ERAP1: variants seen among roughly 807,000 people sequenced by gnomAD.
ERAP1 encodes adipocyte-derived leucine aminopeptidase.
A neutral mutation model predicts 103.7 loss-of-function variants in ERAP1; 86 were observed. The observed-to-expected ratio is 0.83, with a 90% CI of 0.70 to 0.99. ERAP1 has a LOEUF of 0.99. Ranked by LOEUF, ERAP1 falls within the 50% of genes least tolerant of loss-of-function variation. The pLI is 0.00. For missense variants in ERAP1, 1,009 were observed against 1,128.4 expected (o/e 0.89, Z 1.52); for synonymous variants, 398 against 402.4 (o/e 0.99, Z 0.13).
the ERAP1 span, among the ~76,000 whole-genome samples, chr5:96,901,845 C>T: frequency 4.6e-3 from 699 of 152,280 alleles, 2 homozygotes; most frequent in African/African-American, 0.016. Flanking sequence ...TCATATAACC[C>T]GGACTTCTTT....
the ERAP1 span, chr5:96,900,325 A>G: frequency 2.2e-6 from 3 of 1,345,288 alleles, no homozygotes; most frequent in Non-Finnish European, 3.0e-6. Flanking sequence ...TTTCTCTAAA[A>G]CAAAACTGAA....
chr5:96,881,776 G>T, the ERAP1 span, among the ~76,000 whole-genome samples: 1 of 152,062 alleles, frequency 6.6e-6, no homozygotes, highest in Admixed American at 6.6e-5. Flanking sequence ...GGGGGACACG[G>T]GGGAGAGATA....
intron 2 of ERAP1, among the ~76,000 whole-genome samples, chr5:96,801,947 G>T (rs2150994968): frequency 7.1e-6 from 1 of 139,982 alleles, no homozygotes; most frequent in South Asian, 2.2e-4. Context: ...CATAAAAGAA[G>T]AACCTATAAA....
chr5:96,771,423 G>A (rs996114845), downstream of ERAP1, among the ~76,000 whole-genome samples: 1 of 152,010 alleles, frequency 6.6e-6, no homozygotes, highest in African/African-American at 2.4e-5. Context: ...AAAGCTGAGA[G>A]TGATACATTT....
At chr5:96,917,707 C>A in the ERAP1 span, 1 of 912,146 alleles carries the variant, frequency 1.1e-6, no homozygotes, top group East Asian at 3.3e-5. Context: ...GAGATGGAGA[C>A]CATCCTGGCT....
chr5:96,917,527 G>A, the ERAP1 span: 67 of 1,613,764 alleles, frequency 4.2e-5, no homozygotes, highest in East Asian at 6.5e-4. Flanking sequence ...AAACTGTTCT[G>A]GAAACGATAA....
the ERAP1 span, chr5:96,896,465 T>C: frequency 1.2e-6 from 2 of 1,613,590 alleles, no homozygotes; most frequent in Non-Finnish European, 8.5e-7. Context: ...AAACCCCGAC[T>C]CAAATACAGG....
At chr5:96,784,868 A>G (rs1436646771) in intron 13 of ERAP1, 1 of 152,218 alleles carries the variant, frequency 6.6e-6, no homozygotes, top group African/African-American at 2.4e-5. Context: ...TATATATTAT[A>G]TAAGTTAAAA....
chr5:96,772,598 A>G (rs1772863049), downstream of ERAP1: 1 of 152,768 alleles, frequency 6.5e-6, no homozygotes, highest in South Asian at 2.1e-4. Flanking sequence ...AGAAAATTAC[A>G]TATTAAATGA....
intron 18 of ERAP1, chr5:96,776,917 A>AGAG (rs1491388304): frequency 4.7e-6 from 1 of 212,282 alleles, no homozygotes; most frequent in African/African-American, 2.4e-5. Context: ...CAGAATGTGC[A>AGAG]GAGTCTTTTC....
chr5:96,895,391 T>TG, the ERAP1 span: 1 of 1,357,120 alleles, frequency 7.4e-7, no homozygotes, highest in African/African-American at 1.4e-5. Context: ...TCATACTATA[T>TG]GGTGTAAAGA....
At chr5:96,812,170 G>A (rs919199889), upstream of ERAP1, among the ~76,000 whole-genome samples, 3 of 152,146 alleles carry the variant, frequency 2.0e-5, no homozygotes, top group Non-Finnish European at 4.4e-5. Context: ...ATCTACTGGA[G>A]AATCACAATT....
chr5:96,808,918 G>A (rs1251987110), upstream of ERAP1, among the ~76,000 whole-genome samples: 4 of 152,154 alleles, frequency 2.6e-5, no homozygotes, highest in African/African-American at 7.2e-5. Context: ...TAAAGTGAAA[G>A]CAAGTAATTA....
chr5:96,934,815 G>T, the ERAP1 span: 1 of 151,994 alleles, frequency 6.6e-6, no homozygotes, highest in Non-Finnish European at 1.5e-5. Flanking sequence ...GCAGTGAGGC[G>T]CAGCCCGAGC....
chr5:96,776,400 A>G lies in ERAP1; in HGVS notation c.2822T>C (p.Met941Thr). ...AACCTGGCAAGGGAGGAATTTTTAC[A>G]TACGTTCAAGCTTTTCACTTTGCAG... ...VWLQSEKLER[M>T] Residue 941 changes from methionine (M) to threonine (T), a missense_variant, in exon 19 of 19, where the codon ATG (methionine) becomes ACG (threonine). Around this residue, in one of 3 missense-constraint regions of ERAP1, gnomAD observed 611 missense variants for 651.7 expected, o/e 0.94. Coordinates refer to ENST00000443439, the MANE Select transcript of ERAP1 (RefSeq NM_001040458.3). The G allele has an allele frequency of 2.5e-6, 4 of 1,603,804 alleles. 1 individual carries two copies. The South Asian group carries it at 3.4e-5, about 13-fold the overall frequency.
chr5:96,907,617 C>G, the ERAP1 span, among the ~76,000 whole-genome samples: 1 of 151,470 alleles, frequency 6.6e-6, no homozygotes, highest in African/African-American at 2.4e-5. Flanking sequence ...CCAGGTGGCT[C>G]ATGCCTGTAA....
chr5:96,823,370 T>A, the ERAP1 span, among the ~76,000 whole-genome samples: 1 of 152,176 alleles, frequency 6.6e-6, no homozygotes, highest in Non-Finnish European at 1.5e-5. Flanking sequence ...GCATTTCCCA[T>A]CTTTCTACTT....
chr5:96,806,019 G>GAGGA (rs1328474644), intron 1 of ERAP1: 1 of 152,276 alleles, frequency 6.6e-6, no homozygotes, highest in African/African-American at 2.4e-5. Flanking sequence ...ATGTCTCAAC[G>GAGGA]AGGATGCAGT....
At position 96,780,409 on chromosome 5, in the gene ERAP1, T is replaced by C; in HGVS notation, c.2670+14A>G. The stretch of plus-strand genomic sequence containing the variant: ...TTATGTTTAAAAATATATATATAGA[T>C]TTTTTTTTTTTACCTCTTCAAGCCG... On this transcript the variant is annotated intron_variant, in intron 18 of 18. Coordinates refer to ENST00000443439, the MANE Select transcript of ERAP1 (RefSeq NM_001040458.3). The C allele has an allele frequency of 4.5e-6, 2 of 447,256 alleles. No homozygotes were observed. Among genetic ancestry groups the C allele is most frequent in the Non-Finnish European group, 6.6e-6 (2 of 303,764 alleles). The allele number at this position is 447,256 out of a possible 1,614,324, so 27.7% of individuals were successfully genotyped here.
Sources: gnomAD v4.1 joint callset for allele counts (sites outside exome capture counted in the v4.1 genomes callset) on GRCh38, gnomAD v4.1.1 for gene constraint, gnomAD v4.1.1 regional missense constraint, MANE v1.5 for transcripts, NCBI Gene and HGNC (gene_info 2026-07-23, HGNC 2026-07-21) for gene names.